Variants in RALGPS2 observed in about 807,000 individuals in gnomAD.
The protein encoded by RALGPS2 is ras-specific guanine nucleotide-releasing factor RalGPS2.
Under a neutral mutation model 86.8 loss-of-function variants are expected in RALGPS2, and 43 were observed. The observed-to-expected ratio is 0.50, with a 90% CI of 0.39 to 0.64. RALGPS2 has a LOEUF of 0.64. Ranked by LOEUF, RALGPS2 falls within the 30% of genes least tolerant of loss-of-function variation. RALGPS2 has a pLI of 0.00. For synonymous variants in RALGPS2, 243 were observed against 231.3 expected (o/e 1.05, Z -0.46); for missense variants, 536 against 694.6 (o/e 0.77, Z 2.57).
At position 178,913,591 on chromosome 1, in the gene RALGPS2, C is replaced by T. The variant is rs549737126; in HGVS notation, c.1723-2739C>T. 3.1e-4 allele frequency among the ~76,000 whole-genome samples: 47 copies of T among 152,306 alleles called. No individual in the cohort carries two copies. In the South Asian group the frequency reaches 9.5e-3, roughly 31 times the overall value. On this transcript the variant is annotated intron_variant, in intron 19 of 19. Coordinates refer to ENST00000367635, the MANE Select transcript of RALGPS2 (RefSeq NM_152663.5). The stretch of plus-strand genomic sequence containing the variant: ...GCTAGAGTTCTTGCATTGGTTCTTT[C>T]TCATCTGTGAGGGCTGATATTCCTT...
chr1:178,764,483 T>C (rs979915617), intron 1 of RALGPS2, among the ~76,000 whole-genome samples: 4 of 152,172 alleles, frequency 2.6e-5, no homozygotes, highest in Admixed American at 6.5e-5. Flanking sequence ...AGTATTGCGA[T>C]GTGTGGATTA....
intron 8 of RALGPS2, among the ~76,000 whole-genome samples, chr1:178,855,112 G>A (rs1657441597): frequency 6.6e-6 from 1 of 152,012 alleles, no homozygotes; most frequent in Non-Finnish European, 1.5e-5. Flanking sequence ...GTACTATAAG[G>A]ATAATAGGAT....
At chr1:178,853,203 A>G (rs1381542289) in intron 8 of RALGPS2, 2 of 985,250 alleles carry the variant, frequency 2.0e-6, no homozygotes, top group African/African-American at 3.5e-5. Context: ...CAAATAAGAC[A>G]ATGCAAATGA....
At chr1:178,760,686 A>G (rs1420794642) in intron 1 of RALGPS2, among the ~76,000 whole-genome samples, 1 of 152,092 alleles carries the variant, frequency 6.6e-6, no homozygotes, top group African/African-American at 2.4e-5. Flanking sequence ...CCCTTTATAC[A>G]TGATCTGACC....
At chr1:178,789,264 A>G (rs898926547) in intron 4 of RALGPS2, among the ~76,000 whole-genome samples, 3 of 152,194 alleles carry the variant, frequency 2.0e-5, no homozygotes, top group Non-Finnish European at 4.4e-5. Context: ...TAGGGGAAGA[A>G]GAGGTGGTAC....
rs112184273 is a variant in RALGPS2, at chr1:178,848,309, TA to T, written c.607+14768del. On this transcript the variant is annotated intron_variant, in intron 8 of 19. Coordinates refer to ENST00000367635, the MANE Select transcript of RALGPS2 (RefSeq NM_152663.5). ...CTGGGTGACATAGTGGGACCCTGTC[TA>T]AAAAAAAACAAAAAGAAAAATTAAG... is the stretch of plus-strand genomic sequence containing the variant. 1.3e-3 allele frequency among the ~76,000 whole-genome samples: 199 copies of T among 150,552 alleles called. 2 individuals are homozygous for T. Among genetic ancestry groups the T allele is most frequent in the African/African-American group, 4.3e-3 (178 of 41,058 alleles).
At chr1:178,853,780 G>A (rs984619827) in intron 8 of RALGPS2, 4 of 1,597,356 alleles carry the variant, frequency 2.5e-6, no homozygotes, top group Non-Finnish European at 3.4e-6. Context: ...GACAGTCTTT[G>A]AATGGTCCTA....
chr1:178,881,791 T>C (rs1659258376), intron 10 of RALGPS2, among the ~76,000 whole-genome samples: 1 of 152,156 alleles, frequency 6.6e-6, no homozygotes, highest in South Asian at 2.1e-4. Flanking sequence ...TGCCTGAGCC[T>C]AATAATTTAG....
chr1:178,820,980 G>T (rs1655474126), intron 6 of RALGPS2, among the ~76,000 whole-genome samples: 1 of 152,122 alleles, frequency 6.6e-6, no homozygotes, highest in African/African-American at 2.4e-5. Flanking sequence ...TTAAAAATCT[G>T]GGAAATTAGC....
chr1:178,824,156 G>T (rs1053911476), intron 7 of RALGPS2, among the ~76,000 whole-genome samples: 1 of 152,188 alleles, frequency 6.6e-6, no homozygotes, highest in Non-Finnish European at 1.5e-5. Context: ...GAAAGGATTG[G>T]TGACCTCGGG....
At chr1:178,735,851 A>G (rs966808590) in intron 1 of RALGPS2, among the ~76,000 whole-genome samples, 4 of 152,150 alleles carry the variant, frequency 2.6e-5, no homozygotes, top group South Asian at 2.1e-4. Flanking sequence ...AGTTTCTACT[A>G]TCATTTTTAA....
rs1364789654 is a variant in RALGPS2, at chr1:178,776,771, C to G, written c.7C>G (p.Leu3Val). The G allele has an allele frequency of 5.6e-6, 9 of 1,611,974 alleles. No homozygotes were observed. In the Admixed American group the frequency reaches 1.0e-4, roughly 18 times the overall value. The change falls in exon 2 of 20, where the codon CTA becomes GTA. Residue 3 changes from leucine to valine, a missense_variant. Around this residue, in one of 3 missense-constraint regions of RALGPS2, gnomAD observed 43 missense variants for 34.9 expected, o/e 1.23. Transcript: ENST00000367635. ...AGGGACTGATGAGGAAAGCATGGAC[C>G]TAATGAACGGGCAGGCAAGCAGTGT... The part of the protein sequence containing the change: MD[L>V]MNGQASSVNI...
At chr1:178,805,430 T>C (rs1393030592) in intron 4 of RALGPS2, among the ~76,000 whole-genome samples, 1 of 151,704 alleles carries the variant, frequency 6.6e-6, no homozygotes, top group African/African-American at 2.4e-5. Flanking sequence ...TTTAAGTCTT[T>C]AATCCATCTT....
intron 4 of RALGPS2, among the ~76,000 whole-genome samples, chr1:178,787,668 G>A (rs1209736514): frequency 1.3e-5 from 2 of 152,090 alleles, no homozygotes. Context: ...ATAGTACTTT[G>A]TGAAACTTAG....
intron 4 of RALGPS2, among the ~76,000 whole-genome samples, chr1:178,800,277 C>G (rs547807847): frequency 6.6e-6 from 1 of 152,122 alleles, no homozygotes; most frequent in East Asian, 1.9e-4. Context: ...AAGGAAACTA[C>G]GGAAGAAAGA....
intron 1 of RALGPS2, among the ~76,000 whole-genome samples, chr1:178,739,129 A>G (rs756867952): frequency 3.3e-5 from 5 of 151,998 alleles, no homozygotes; most frequent in African/African-American, 4.8e-5. Flanking sequence ...ATATTTTTGT[A>G]TGTTTTTGTA....
At chr1:178,838,140 C>G (rs1656381688) in intron 8 of RALGPS2, among the ~76,000 whole-genome samples, 1 of 152,238 alleles carries the variant, frequency 6.6e-6, no homozygotes, top group Non-Finnish European at 1.5e-5. Flanking sequence ...CCTCTGCAGA[C>G]TTAAATGTCC....
At chr1:178,786,084 A>G (rs1292538592) in intron 4 of RALGPS2, among the ~76,000 whole-genome samples, 6 of 152,122 alleles carry the variant, frequency 3.9e-5, no homozygotes, top group Non-Finnish European at 1.5e-5. Flanking sequence ...GGATCATCAT[A>G]AAGGTCTTTA....
At chr1:178,881,242 C>G (rs990404197) in intron 10 of RALGPS2, among the ~76,000 whole-genome samples, 5 of 151,938 alleles carry the variant, frequency 3.3e-5, no homozygotes, top group Admixed American at 3.3e-4. Context: ...CCTAGGAAAA[C>G]TAAAAGGAAA....
Sources: gnomAD v4.1 joint callset for allele counts (sites outside exome capture counted in the v4.1 genomes callset) on GRCh38, gnomAD v4.1.1 for gene constraint, gnomAD v4.1.1 regional missense constraint, MANE v1.5 for transcripts, NCBI Gene and HGNC (gene_info 2026-07-23, HGNC 2026-07-21) for gene names.